Variants in DHRSX observed in about 807,000 individuals in gnomAD.
DHRSX encodes the protein polyprenol dehydrogenase.
In DHRSX, 31 loss-of-function variants were observed where a neutral mutation model predicts 34.0. That is an observed-to-expected ratio of 0.91 (90% CI 0.69 to 1.23). The LOEUF is 1.23. DHRSX is among the 50% of genes most tolerant of loss of function. The pLI is 0.00. For missense variants in DHRSX, 414 were observed against 428.1 expected (o/e 0.97, Z 0.29); for synonymous variants, 201 against 183.8 (o/e 1.09, Z -0.76).
At chrX:2,468,335 A>AT (rs1452141692) in intron 1 of DHRSX, among the ~76,000 whole-genome samples, 2 of 152,172 alleles carry the variant, frequency 1.3e-5, no homozygotes, top group African/African-American at 4.8e-5. Context: ...TGGCTGGAGA[A>AT]TGTCTGAGAT....
intron 1 of DHRSX, among the ~76,000 whole-genome samples, chrX:2,451,955 C>T (rs1444769986): frequency 3.3e-5 from 5 of 151,244 alleles, no homozygotes; most frequent in Non-Finnish European, 7.4e-5. Context: ...ACATTGAAGA[C>T]ATTCCCTAAG....
chrX:2,256,193 C>A (rs1180899397), intron 5 of DHRSX, among the ~76,000 whole-genome samples: 1 of 150,650 alleles, frequency 6.6e-6, no homozygotes, highest in African/African-American at 2.4e-5. Flanking sequence ...CGGGGTTTCA[C>A]CATGTTGGCC....
At chrX:2,266,679 G>C (rs2041478698) in intron 5 of DHRSX, 61 bp downstream of exon 5, 2 of 1,504,188 alleles carry the variant, frequency 1.3e-6, no homozygotes, top group Non-Finnish European at 1.9e-6. Context: ...CAGACAGAGG[G>C]AGATGAATAA....
At chrX:2,448,414 C>G (rs6642209) in intron 1 of DHRSX, among the ~76,000 whole-genome samples, 95,392 of 151,746 alleles carry the variant, frequency 0.63, 31,596 homozygotes, top group African/African-American at 0.85. Context: ...CCACAGTGAT[C>G]ATAGTTAATA....
chrX:2,285,120 G>A (rs2041789179), intron 4 of DHRSX, among the ~76,000 whole-genome samples: 1 of 152,212 alleles, frequency 6.6e-6, no homozygotes, highest in South Asian at 2.1e-4. Context: ...TCTGAAGACA[G>A]AAGGTGGAGG....
At position 2,227,376 on chromosome X, in the gene DHRSX, T is replaced by C. The variant is rs1214936261; in HGVS notation, c.805-6147A>G. Among the ~76,000 whole-genome samples the C allele has an allele frequency of 2.2e-5, 3 of 136,134 alleles. No individual in the cohort carries two copies. In the Admixed American group the frequency reaches 2.2e-4, roughly 10 times the overall value. 89.3% of individuals were successfully genotyped at this position (136,134 alleles called of 152,430 possible). The stretch of plus-strand genomic sequence containing the variant: ...AAAAGAGGAAGAAGAAAGGAGGAAA[T>C]AGAGAAAGGAATTAAGGAAGGAAAG... On this transcript the variant is annotated intron_variant, in intron 6 of 6. Transcript: ENST00000334651.
At chrX:2,313,290 G>A (rs2042186099) in intron 3 of DHRSX, among the ~76,000 whole-genome samples, 1 of 152,160 alleles carries the variant, frequency 6.6e-6, no homozygotes, top group Non-Finnish European at 1.5e-5. Flanking sequence ...TTACAGGCAT[G>A]AGCCACCGTA....
intron 3 of DHRSX, among the ~76,000 whole-genome samples, chrX:2,402,836 T>A (rs2043503401): frequency 6.6e-6 from 1 of 151,822 alleles, no homozygotes; most frequent in African/African-American, 2.4e-5. Context: ...CGAGCATTCA[T>A]CACTTGTTTG....
At chrX:2,249,513 C>CCTTTTTTT (rs2016383823) in intron 5 of DHRSX, among the ~76,000 whole-genome samples, 1 of 70,166 alleles carries the variant, frequency 1.4e-5, no homozygotes, top group African/African-American at 4.8e-5. Flanking sequence ...CTTTTTGTGC[C>CCTTTTTTT]TTTTTTTTTT....
chrX:2,311,847 T>A (rs1386424552), intron 3 of DHRSX, among the ~76,000 whole-genome samples: 6 of 152,132 alleles, frequency 3.9e-5, no homozygotes, highest in Non-Finnish European at 5.9e-5. Context: ...GATTTAATGG[T>A]CTGAGTTGTT....
intron 5 of DHRSX, among the ~76,000 whole-genome samples, chrX:2,249,751 T>C (rs1036072526): frequency 4.0e-5 from 6 of 151,516 alleles, no homozygotes; most frequent in African/African-American, 7.3e-5. Flanking sequence ...CTCGAACTCC[T>C]GACTTCAAGT....
chrX:2,245,652 C>T (rs1383438220), intron 5 of DHRSX, among the ~76,000 whole-genome samples: 1 of 149,906 alleles, frequency 6.7e-6, no homozygotes, highest in Non-Finnish European at 1.5e-5. Flanking sequence ...TCCTGTCTCC[C>T]TAAAATGTAT....
chrX:2,228,782 A>G (rs2015796981), intron 6 of DHRSX, among the ~76,000 whole-genome samples: 1 of 152,082 alleles, frequency 6.6e-6, no homozygotes, highest in African/African-American at 2.4e-5. Flanking sequence ...GCACACAGAG[A>G]TATTTGCCTG....
intron 3 of DHRSX, among the ~76,000 whole-genome samples, chrX:2,396,597 C>T (rs59402377): frequency 0.011 from 1,660 of 151,652 alleles, 33 homozygotes; most frequent in African/African-American, 0.038. Flanking sequence ...AGGCTGGTCT[C>T]GAACTCCTGG....
At chrX:2,478,801 G>A (rs2044722530) in intron 1 of DHRSX, among the ~76,000 whole-genome samples, 1 of 151,436 alleles carries the variant, frequency 6.6e-6, no homozygotes, top group African/African-American at 2.4e-5. Context: ...CTTAGAATGT[G>A]GCCCGGGGAC....
intron 3 of DHRSX, among the ~76,000 whole-genome samples, chrX:2,305,308 T>C (rs1034284240): frequency 6.6e-6 from 1 of 151,990 alleles, no homozygotes; most frequent in Non-Finnish European, 1.5e-5. Flanking sequence ...TCACATCAGT[T>C]AGAAGGGCGA....
chrX:2,276,399 C>T (rs1326620234), intron 4 of DHRSX, among the ~76,000 whole-genome samples: 1 of 152,096 alleles, frequency 6.6e-6, no homozygotes, highest in Admixed American at 6.6e-5. Context: ...ATAGAACTAT[C>T]GTTCATTGAT....
intron 2 of DHRSX, among the ~76,000 whole-genome samples, chrX:2,422,296 TCTGTCACCCAGG>T (rs201148079): frequency 0.051 from 7,735 of 152,210 alleles, 244 homozygotes; most frequent in East Asian, 0.13. Flanking sequence ...AGAGTCTCAC[TCTGTCACCCAGG>T]CTGGAGTGCA....
chrX:2,461,626 C>T (rs781676990), intron 1 of DHRSX, among the ~76,000 whole-genome samples: 1 of 152,326 alleles, frequency 6.6e-6, no homozygotes, highest in South Asian at 2.1e-4. Flanking sequence ...ACTGCAGCCT[C>T]GACTTTGTGG....
Sources: allele counts gnomAD v4.1 joint callset (sites outside exome capture counted in the v4.1 genomes callset), GRCh38; gene constraint gnomAD v4.1.1; transcripts MANE v1.5; gene names NCBI Gene and HGNC (gene_info 2026-07-23, HGNC 2026-07-21).